MDGA1: variants seen among roughly 807,000 people sequenced by gnomAD.
The protein encoded by MDGA1 is MAM domain containing glycosylphosphatidylinositol anchor 1.
A neutral mutation model predicts 101.5 loss-of-function variants in MDGA1; 54 were observed. That is an observed-to-expected ratio of 0.53 (90% confidence interval 0.43 to 0.67). The LOEUF (loss-of-function observed/expected upper bound fraction) is 0.67, where lower values mean the gene tolerates loss of function less well. MDGA1 is among the 30% of genes least tolerant of loss of function. The probability of loss-of-function intolerance (pLI) is 0.00; values close to 1 mark genes in which losing one functional copy is unlikely to be tolerated. For missense variants in MDGA1, 1,083 were observed against 1,323.8 expected, an observed-to-expected ratio of 0.82 and a Z score of 2.82; for synonymous variants, 533 against 558.3, an observed-to-expected ratio of 0.95 and a Z score of 0.64.
At position 37,654,809 on chromosome 6, in the gene MDGA1, T is replaced by C. The variant is rs1332910271; in HGVS notation, c.703A>G (p.Asn235Asp). Reference sequence around the variant, plus strand: ...AGGAAAATGCCTGTACCCGTGGTGTTGGTGAGCCGGAAGGTGATGGCCTTG... The same window carrying C: ...AGGAAAATGCCTGTACCCGTGGTGTCGGTGAGCCGGAAGGTGATGGCCTTG... ...PDKAITFRLT[N>D]TTAPPALKLS... Residue 235 changes from asparagine (N) to aspartate (D), a missense_variant, in exon 5 of 17, where the codon AAC becomes GAC. Transcript: ENST00000434837. The C allele has an allele frequency of 1.2e-6, 2 of 1,613,616 alleles. No homozygotes were observed. Among genetic ancestry groups the C allele is most frequent in the Non-Finnish European group, 1.7e-6 (2 of 1,179,808 alleles).
intron 6 of MDGA1, 121 bp downstream of exon 6, chr6:37,654,153 G>T: frequency 8.5e-7 from 1 of 1,171,460 alleles, no homozygotes; most frequent in Non-Finnish European, 1.2e-6. Flanking sequence ...AACATCCTCT[G>T]CATGACTCAT....
intron 14 of MDGA1, among the ~76,000 whole-genome samples, chr6:37,642,068 C>G (rs1230626871): frequency 1.3e-5 from 2 of 150,990 alleles, no homozygotes; most frequent in Non-Finnish European, 2.9e-5. Flanking sequence ...GAATAATCAC[C>G]AAGATGATGT....
intron 13 of MDGA1, 151 bp downstream of exon 13, chr6:37,644,346 T>G (rs1764172914): frequency 3.4e-6 from 3 of 885,728 alleles, no homozygotes; most frequent in Non-Finnish European, 1.6e-6. Flanking sequence ...AAATCGAGGC[T>G]GTGTCTCCCC....
At chr6:37,681,065 TG>T (rs1372789389) in intron 1 of MDGA1, among the ~76,000 whole-genome samples, 1 of 151,774 alleles carries the variant, frequency 6.6e-6, no homozygotes, top group African/African-American at 2.4e-5. Context: ...TTAAGGGGGA[TG>T]GGTCTGGGCC....
At position 37,696,637 on chromosome 6, in the gene MDGA1, A is replaced by G. The variant is rs1005610309; in HGVS notation, c.67+108T>C. 14 of 1,086,080 alleles carry G rather than the reference A, an allele frequency of 1.3e-5. No individual in the cohort carries two copies. In the African/African-American group the frequency reaches 2.0e-4, roughly 16 times the overall value. 67.3% of individuals were successfully genotyped at this position (1,086,080 alleles called of 1,614,324 possible). ...GGGCGGGGACGCGGGCATCCACTCC[A>G]GAGTCCGAGTCGAGGTCTCCACCAA... On this transcript the variant is annotated intron_variant, in intron 1 of 16. Transcript: ENST00000434837. This position sits in a 1 kb window ranked among gnomAD's most constrained non-coding sequence, Gnocchi z 5.6.
At chr6:37,662,643 A>AAAAAAAAAAAAAGAAAAGAAAAG (rs572346506) in intron 2 of MDGA1, among the ~76,000 whole-genome samples, 5 of 145,298 alleles carry the variant, frequency 3.4e-5, no homozygotes, top group African/African-American at 7.5e-5. Flanking sequence ...TCAAAAAAAA[A>AAAAAAAAAAAAAGAAAAGAAAAG]AAAACAAGGA....
At chr6:37,692,138 G>GC (rs138658519) in intron 1 of MDGA1, among the ~76,000 whole-genome samples, 3,323 of 152,256 alleles carry the variant, frequency 0.022, 120 homozygotes, top group African/African-American at 0.075. Context: ...ATAGGGTGAG[G>GC]CCCACAGGAG....
chr6:37,677,230 G>A (rs764585068), intron 1 of MDGA1, among the ~76,000 whole-genome samples: 10 of 152,210 alleles, frequency 6.6e-5, no homozygotes, highest in Admixed American at 2.6e-4. Flanking sequence ...CATTGTGGCC[G>A]GGCTGTGCAC....
At chr6:37,645,886 G>A in intron 12 of MDGA1, 47 bp downstream of exon 12, 2 of 1,601,350 alleles carry the variant, frequency 1.2e-6, no homozygotes, top group Non-Finnish European at 1.7e-6. Context: ...GAGAGCCTTT[G>A]TGTCCCTAAA....
At chr6:37,686,391 C>G (rs1201122900) in intron 1 of MDGA1, among the ~76,000 whole-genome samples, 1 of 151,488 alleles carries the variant, frequency 6.6e-6, no homozygotes, top group Non-Finnish European at 1.5e-5. Flanking sequence ...GTTTCCACCC[C>G]CTAGACATTC....
chr6:37,642,451 T>C (rs9470651), intron 14 of MDGA1, among the ~76,000 whole-genome samples: 82,051 of 151,830 alleles, frequency 0.54, 23,105 homozygotes, highest in South Asian at 0.7. Flanking sequence ...GGATTACAGG[T>C]GTGAGCCACC....
At chr6:37,691,405 C>T (rs1429597903) in intron 1 of MDGA1, among the ~76,000 whole-genome samples, 1 of 152,154 alleles carries the variant, frequency 6.6e-6, no homozygotes, top group Non-Finnish European at 1.5e-5. Context: ...CATGAAAATG[C>T]CTGGTAAGTC....
At chr6:37,658,768 C>T (rs920964924) in intron 2 of MDGA1, among the ~76,000 whole-genome samples, 7 of 152,086 alleles carry the variant, frequency 4.6e-5, no homozygotes, top group Non-Finnish European at 7.4e-5. Flanking sequence ...CTCATGAGTT[C>T]GAGACCAGCC....
At chr6:37,681,000 C>CG (rs1363843175) in intron 1 of MDGA1, among the ~76,000 whole-genome samples, 15 of 152,066 alleles carry the variant, frequency 9.9e-5, no homozygotes, top group East Asian at 1.9e-4. Flanking sequence ...TCCTCAGCCC[C>CG]CCCCCCCCAG....
intron 1 of MDGA1, 84 bp from the exon 2 acceptor site, chr6:37,664,190 G>T (rs1025256883): frequency 1.9e-6 from 3 of 1,546,122 alleles, no homozygotes; most frequent in East Asian, 4.5e-5. Flanking sequence ...GAGTGTATCT[G>T]GGAGGGGTCA....
In MDGA1 at chr6:37,654,815, G is replaced by A. The variant is rs748765175; in HGVS notation, c.697C>T (p.Leu233Phe). 2 of 1,613,832 alleles carry A rather than the reference G, an allele frequency of 1.2e-6. No homozygotes were observed. Among genetic ancestry groups the A allele is most frequent in the South Asian group, 2.2e-5 (2 of 91,080 alleles). Reference protein sequence around the residue: ...GIPDKAITFRLTNTTAPPALK... With the variant: ...GIPDKAITFRFTNTTAPPALK... ...ATGCCTGTACCCGTGGTGTTGGTGAGCCGGAAGGTGATGGCCTTGTCTGGG... is the reference window on the plus strand; with the variant it reads ...ATGCCTGTACCCGTGGTGTTGGTGAACCGGAAGGTGATGGCCTTGTCTGGG... Residue 233 changes from leucine to phenylalanine, a missense_variant, in exon 5 of 17, where the codon CTC (leucine) becomes TTC (phenylalanine). Physicochemically the swap from Leu to Phe is conservative, Grantham distance 22. Coordinates refer to ENST00000434837, the MANE Select transcript of MDGA1 (RefSeq NM_153487.4).
In MDGA1 at chr6:37,632,142, C is replaced by T. The variant is rs1056535977; in HGVS notation, c.*5226G>A. ...AAATGTCTCTTAGAGAAGTCTTCCC[C>T]GAAGCCCCAACCCAAATAAGAACCC... On this transcript the variant is annotated 3_prime_UTR_variant, in exon 17 of 17. Transcript: ENST00000434837. 2.0e-5 allele frequency: 3 copies of T among 152,164 alleles called. No individual in the cohort carries two copies. Among genetic ancestry groups the T allele is most frequent in the African/African-American group, 7.2e-5 (3 of 41,412 alleles). The allele number at this position is 152,164 out of a possible 1,614,324, so 9.4% of individuals were successfully genotyped here.
chr6:37,647,141 T>G lies in MDGA1; in HGVS notation c.2046+32A>C, dbSNP rs1384895633. On this transcript the variant is annotated intron_variant, in intron 10 of 16. Transcript: ENST00000434837. ...AGGGTCAGCCACACCACACTCCACC[T>G]GCCCCCAGGCCCCCGCTCCCCCTTG... The G allele has an allele frequency of 3.8e-6, 6 of 1,561,374 alleles. No homozygotes were observed. The African/African-American group carries it at 5.4e-5, about 14-fold the overall frequency.
At chr6:37,651,526 T>A (rs544761863) in intron 7 of MDGA1, among the ~76,000 whole-genome samples, 81 of 152,300 alleles carry the variant, frequency 5.3e-4, no homozygotes, top group Non-Finnish European at 1.0e-3. Context: ...CCAATTAATT[T>A]ATTTTTCCGG....
Sources: gnomAD v4.1 joint callset for allele counts (sites outside exome capture counted in the v4.1 genomes callset) on GRCh38, gnomAD v4.1.1 for gene constraint, Gnocchi (gnomAD v3.1) non-coding constraint, MANE v1.5 for transcripts, NCBI Gene and HGNC (gene_info 2026-07-23, HGNC 2026-07-21) for gene names.